The following XRCC4 variants were observed in gnomAD, a reference collection of about 807,000 sequenced individuals.
XRCC4 encodes the protein X-ray repair cross complementing 4, also known as DNA repair protein XRCC4.
A neutral mutation model predicts 39.1 loss-of-function variants in XRCC4; 28 were observed. The ratio of observed to expected loss-of-function variants is 0.72; its 90% CI spans 0.53 to 0.98. XRCC4 has a LOEUF of 0.98. XRCC4 is among the 50% of genes least tolerant of loss of function. XRCC4 has a pLI of 0.00. For missense variants in XRCC4, 350 were observed against 376.4 expected (o/e 0.93, Z 0.58); for synonymous variants, 123 against 126.4 (o/e 0.97, Z 0.18).
At chr5:83,326,884 C>T (rs764456509) in intron 7 of XRCC4, among the ~76,000 whole-genome samples, 6 of 151,970 alleles carry the variant, frequency 3.9e-5, no homozygotes, top group African/African-American at 9.7e-5. Flanking sequence ...TATTGCTGTT[C>T]CGTGAATATA....
At chr5:83,103,009 G>GATATATATATAT (rs56183616) in intron 1 of XRCC4, among the ~76,000 whole-genome samples, 4,506 of 106,260 alleles carry the variant, frequency 0.042, 303 homozygotes, top group East Asian at 0.2. Context: ...AGATAGAGCT[G>GATATATATATAT]ATATATATAT....
intron 7 of XRCC4, among the ~76,000 whole-genome samples, chr5:83,347,546 G>A (rs11953364): frequency 0.26 from 39,446 of 151,974 alleles, 7,486 homozygotes; most frequent in East Asian, 0.71. Flanking sequence ...ACACACTATC[G>A]TGAGAACAGC....
chr5:83,216,269 A>G (rs1014111192), intron 6 of XRCC4, among the ~76,000 whole-genome samples: 1 of 152,186 alleles, frequency 6.6e-6, no homozygotes, highest in African/African-American at 2.4e-5. Context: ...ATCAGATACC[A>G]CTACACACCT....
the XRCC4 span, among the ~76,000 whole-genome samples, chr5:83,359,647 C>A: frequency 6.6e-6 from 1 of 152,054 alleles, no homozygotes; most frequent in African/African-American, 2.4e-5. Context: ...TCGAATGGTT[C>A]TTTGAAACAA....
At chr5:83,135,121 G>C (rs1397388850) in intron 3 of XRCC4, among the ~76,000 whole-genome samples, 1 of 152,216 alleles carries the variant, frequency 6.6e-6, no homozygotes, top group African/African-American at 2.4e-5. Flanking sequence ...GGTACCGTCT[G>C]TCATGGCATC....
At chr5:83,204,289 T>G (rs192837185) in intron 5 of XRCC4, among the ~76,000 whole-genome samples, 1 of 152,288 alleles carries the variant, frequency 6.6e-6, no homozygotes, top group African/African-American at 2.4e-5. Context: ...GCTTTGAATC[T>G]TAGTAGAAGT....
intron 6 of XRCC4, among the ~76,000 whole-genome samples, chr5:83,212,851 A>G (rs1751702199): frequency 6.6e-6 from 1 of 150,646 alleles, no homozygotes; most frequent in African/African-American, 2.4e-5. Flanking sequence ...CTCTTGAACC[A>G]GAGAGGTGGA....
Position 83,105,009 on chromosome 5 carries a change from TG to T in XRCC4, c.92del (p.Gly31ValfsTer40). 1 of 1,613,692 alleles carries T rather than the reference TG, an allele frequency of 6.2e-7. No homozygotes were observed. The highest frequency in any genetic ancestry group is 8.5e-7 in the Non-Finnish European group (1 of 1,179,790). On this transcript the variant is annotated frameshift_variant, in exon 2 of 8. Coordinates refer to ENST00000396027, the MANE Select transcript of XRCC4 (RefSeq NM_003401.5). LOFTEE classifies it high-confidence loss of function. ...QVSWEKTLESGFVITLTDGHS... is the reference protein window; with the variant it reads ...QVSWEKTLESXFVITLTDGHS... Reference sequence around the variant, plus strand: ...TATCTTGGGAGAAAACACTGGAATCTGGTTTTGTTATTACACTTACTGATGG... The same window carrying T: ...TATCTTGGGAGAAAACACTGGAATCTGTTTTGTTATTACACTTACTGATGG...
chr5:83,216,153 A>G (rs554176664), intron 6 of XRCC4, among the ~76,000 whole-genome samples: 2 of 152,330 alleles, frequency 1.3e-5, no homozygotes, highest in South Asian at 4.1e-4. Flanking sequence ...AATTTGCAAA[A>G]GACTTGAATA....
rs540656278 is a variant in XRCC4, at chr5:83,125,314, C to T, written c.315+14111C>T. Among the ~76,000 whole-genome samples, 51 of 152,208 alleles carry T rather than the reference C, an allele frequency of 3.4e-4. 1 individual carries two copies. The highest frequency in any genetic ancestry group is 6.8e-3 in the Middle Eastern group (2 of 294). Reference sequence around the variant, plus strand: ...GTCCAATTTGTGGACTATTTTTCTTCTATGCTTTTGCTTCTGGTGTCATGT... The same window carrying T: ...GTCCAATTTGTGGACTATTTTTCTTTTATGCTTTTGCTTCTGGTGTCATGT... On this transcript the variant is annotated intron_variant, in intron 3 of 7. Transcript: ENST00000396027.
chr5:83,121,751 A>G (rs1351055910), intron 3 of XRCC4, among the ~76,000 whole-genome samples: 1 of 152,136 alleles, frequency 6.6e-6, no homozygotes, highest in Non-Finnish European at 1.5e-5. Context: ...ATGCTTTGAG[A>G]TCACTTCTAA....
intron 3 of XRCC4, among the ~76,000 whole-genome samples, chr5:83,172,134 T>A (rs1749753952): frequency 1.3e-5 from 2 of 152,178 alleles, no homozygotes; most frequent in South Asian, 4.1e-4. Flanking sequence ...TTCAGTGTCT[T>A]GATCCTTTCA....
At chr5:83,123,067 G>A (rs1747088522) in intron 3 of XRCC4, among the ~76,000 whole-genome samples, 1 of 152,054 alleles carries the variant, frequency 6.6e-6, no homozygotes, top group African/African-American at 2.4e-5. Flanking sequence ...TTGGTTGGTG[G>A]TGTTAAGTTT....
intron 6 of XRCC4, among the ~76,000 whole-genome samples, chr5:83,241,860 A>G (rs1752921335): frequency 6.6e-6 from 1 of 152,060 alleles, no homozygotes; most frequent in Non-Finnish European, 1.5e-5. Flanking sequence ...AAGAGAAAAT[A>G]TATTTACTAT....
chr5:83,135,137 G>C (rs1410114795), intron 3 of XRCC4, among the ~76,000 whole-genome samples: 1 of 152,164 alleles, frequency 6.6e-6, no homozygotes, highest in African/African-American at 2.4e-5. Context: ...GCATCCCTTG[G>C]CTAGGAAAGG....
chr5:83,271,992 G>A (rs1027729964), intron 7 of XRCC4, among the ~76,000 whole-genome samples: 2 of 152,174 alleles, frequency 1.3e-5, no homozygotes, highest in African/African-American at 4.8e-5. Flanking sequence ...GAGGAAACCT[G>A]TTGATCCTGG....
chr5:83,208,309 T>C (rs906702009), intron 6 of XRCC4, among the ~76,000 whole-genome samples: 1 of 152,056 alleles, frequency 6.6e-6, no homozygotes, highest in Non-Finnish European at 1.5e-5. Context: ...GTAGTTATGC[T>C]TGTTTTTACC....
intron 3 of XRCC4, among the ~76,000 whole-genome samples, chr5:83,190,577 A>G (rs1272249524): frequency 6.6e-6 from 1 of 152,172 alleles, no homozygotes; most frequent in Non-Finnish European, 1.5e-5. Context: ...TATGTAGTCT[A>G]CTTTGATAAT....
chr5:83,355,829 G>T (rs1757183902), downstream of XRCC4, among the ~76,000 whole-genome samples: 1 of 152,114 alleles, frequency 6.6e-6, no homozygotes, highest in African/African-American at 2.4e-5. Context: ...GTAGAGATGG[G>T]GTTTGGCCAT....
Sources: gnomAD v4.1 joint callset for allele counts (sites outside exome capture counted in the v4.1 genomes callset) on GRCh38, gnomAD v4.1.1 for gene constraint, MANE v1.5 for transcripts, NCBI Gene and HGNC (gene_info 2026-07-23, HGNC 2026-07-21) for gene names.